CDH18: variants seen among roughly 807,000 people sequenced by gnomAD.
The protein encoded by CDH18 is cadherin-18.
CDH18 carries 31 observed loss-of-function variants against 67.9 expected under a neutral mutation model. The observed-to-expected ratio is 0.46, with a 90% CI of 0.34 to 0.62. The LOEUF is 0.62. Among genes scored for constraint, CDH18 ranks in the 20% least tolerant of loss-of-function variants. The pLI is 0.01. For synonymous variants in CDH18, 362 were observed against 347.2 expected (o/e 1.04, Z -0.48); for missense variants, 890 against 975.5 (o/e 0.91, Z 1.17).
chr5:19,834,872 T>C (rs1781448218), intron 3 of CDH18, among the ~76,000 whole-genome samples: 1 of 152,092 alleles, frequency 6.6e-6, no homozygotes, highest in Non-Finnish European at 1.5e-5. Context: ...TTGATTGCAG[T>C]AGATGCTGGC....
chr5:19,856,821 T>G (rs1474308928), intron 2 of CDH18, among the ~76,000 whole-genome samples: 2 of 152,194 alleles, frequency 1.3e-5, no homozygotes, highest in African/African-American at 4.8e-5. Context: ...TTTCTGTTGT[T>G]TCGGCCACCC....
chr5:19,620,785 TTAA>T (rs1750571461), intron 5 of CDH18, among the ~76,000 whole-genome samples: 1 of 152,136 alleles, frequency 6.6e-6, no homozygotes, highest in African/African-American at 2.4e-5. Context: ...GCTGATATAT[TTAA>T]TAATCATACT....
At chr5:20,232,610 A>G (rs780992487) in intron 2 of CDH18, among the ~76,000 whole-genome samples, 43 of 152,092 alleles carry the variant, frequency 2.8e-4, no homozygotes, top group Non-Finnish European at 5.4e-4. Flanking sequence ...ACCATGCCAG[A>G]CGGCATGTAG....
intron 2 of CDH18, among the ~76,000 whole-genome samples, chr5:20,159,702 T>A (rs530678158): frequency 1.3e-5 from 2 of 152,162 alleles, no homozygotes; most frequent in Non-Finnish European, 2.9e-5. Context: ...CTAAAGAGAC[T>A]GATGGGCATT....
intron 8 of CDH18, among the ~76,000 whole-genome samples, chr5:19,554,341 T>C (rs1435520012): frequency 6.6e-6 from 1 of 152,110 alleles, no homozygotes; most frequent in Non-Finnish European, 1.5e-5. Context: ...TTAGAATTTT[T>C]TTATTCAGAA....
At chr5:20,244,989 A>C (rs1743268082) in intron 2 of CDH18, among the ~76,000 whole-genome samples, 1 of 152,104 alleles carries the variant, frequency 6.6e-6, no homozygotes, top group Admixed American at 6.5e-5. Context: ...TCCAAACTTA[A>C]AAATCTTATA....
At chr5:19,818,436 T>C (rs1170813971) in intron 3 of CDH18, among the ~76,000 whole-genome samples, 1 of 152,166 alleles carries the variant, frequency 6.6e-6, no homozygotes, top group Non-Finnish European at 1.5e-5. Context: ...AAATGAAAAA[T>C]AGACTAACTA....
chr5:20,276,883 C>G (rs1475580311), intron 1 of CDH18, among the ~76,000 whole-genome samples: 3 of 152,100 alleles, frequency 2.0e-5, no homozygotes, highest in Non-Finnish European at 4.4e-5. Flanking sequence ...CCAGGCAGTA[C>G]TGGCCACAGG....
intron 4 of CDH18, among the ~76,000 whole-genome samples, chr5:19,745,999 A>G (rs112355461): frequency 2.2e-4 from 34 of 152,218 alleles, no homozygotes; most frequent in African/African-American, 7.9e-4. Context: ...AAGAACCTCA[A>G]TCTAAAACAA....
chr5:19,991,462 C>T (rs1456838827), upstream of CDH18, among the ~76,000 whole-genome samples: 1 of 151,588 alleles, frequency 6.6e-6, no homozygotes, highest in African/African-American at 2.4e-5. Flanking sequence ...TTTTTGTTTA[C>T]AAGAATAATA....
chr5:20,289,819 G>C (rs529071408), intron 1 of CDH18, among the ~76,000 whole-genome samples: 8 of 151,786 alleles, frequency 5.3e-5, no homozygotes, highest in East Asian at 1.9e-4. Context: ...CTGTCAATAG[G>C]GTCACCAGAG....
At chr5:19,780,533 A>G (rs1434407606) in intron 3 of CDH18, among the ~76,000 whole-genome samples, 1 of 152,128 alleles carries the variant, frequency 6.6e-6, no homozygotes, top group African/African-American at 2.4e-5. Flanking sequence ...GACAAGAAAA[A>G]AAATATTTTG....
At chr5:20,499,519 A>C (rs1270041164) in intron 1 of CDH18, among the ~76,000 whole-genome samples, 1 of 152,086 alleles carries the variant, frequency 6.6e-6, no homozygotes, top group African/African-American at 2.4e-5. Flanking sequence ...CACAATTCCA[A>C]CTAATCCAAA....
intron 1 of CDH18, among the ~76,000 whole-genome samples, chr5:20,509,644 C>T (rs1754900213): frequency 1.1e-3 from 3 of 2,678 alleles, no homozygotes; most frequent in African/African-American, 2.3e-3. Flanking sequence ...TAGTCTCGAT[C>T]TCCTGACCTT....
intron 2 of CDH18, among the ~76,000 whole-genome samples, chr5:19,930,095 ATTTAATC>A (rs1793516875): frequency 1.3e-5 from 2 of 152,220 alleles, no homozygotes; most frequent in South Asian, 4.1e-4. Flanking sequence ...ACACTAGTTC[ATTTAATC>A]TTTAAAGAAC....
chr5:20,138,844 G>A (rs1490998427), intron 2 of CDH18, among the ~76,000 whole-genome samples: 3 of 152,156 alleles, frequency 2.0e-5, no homozygotes, highest in African/African-American at 7.2e-5. Context: ...AACATTCCAT[G>A]CTCATGGACA....
chr5:20,198,934 A>T (rs1451044519), intron 2 of CDH18, among the ~76,000 whole-genome samples: 1 of 152,222 alleles, frequency 6.6e-6, no homozygotes, highest in Non-Finnish European at 1.5e-5. Context: ...TGGTCCTGAG[A>T]GTGCACAGAA....
rs916315354 is a variant in CDH18 at position 19,680,362 on chromosome 5, A to C, written c.643+40985T>G. On this transcript the variant is annotated intron_variant, in intron 5 of 12. Coordinates refer to ENST00000382275, the MANE Select transcript of CDH18 (RefSeq NM_004934.5). ...TGGAAAATACCATTTTTGACATAGG[A>C]TCTGGCAAAGATTTCATGATTAATA... Among the ~76,000 whole-genome samples the C allele has an allele frequency of 2.6e-5, 4 of 152,136 alleles. No homozygotes were observed. The South Asian group carries it at 8.3e-4, about 32-fold the overall frequency.
At position 20,193,350 on chromosome 5, in the gene CDH18, T is replaced by C. The variant is rs575757913; in HGVS notation, c.-518+62094A>G. 1.1e-4 allele frequency among the ~76,000 whole-genome samples: 17 copies of C among 152,182 alleles called. No homozygotes were observed. In the South Asian group the frequency reaches 3.3e-3, roughly 30 times the overall value. ...AGAAAATCTAGAAGAAATGGACATA[T>C]TCCTGGACACATACACCCCATCCAG... On this transcript the variant is annotated intron_variant, in intron 2 of 14. Transcript: ENST00000507958.
Sources: gnomAD v4.1 joint callset for allele counts (sites outside exome capture counted in the v4.1 genomes callset) on GRCh38, gnomAD v4.1.1 for gene constraint, MANE v1.5 for transcripts, NCBI Gene and HGNC (gene_info 2026-07-23, HGNC 2026-07-21) for gene names.